The following PLCB4 variants were observed in gnomAD, a reference collection of about 807,000 sequenced individuals.
The protein encoded by PLCB4 is phospholipase C beta 4, also known as 1-phosphatidylinositol 4,5-bisphosphate phosphodiesterase beta-4.
A neutral mutation model predicts 178.8 loss-of-function variants in PLCB4; 77 were observed. That is an observed-to-expected ratio of 0.43 (90% confidence interval 0.36 to 0.52). The LOEUF is 0.52. Among genes scored for constraint, PLCB4 ranks in the 20% least tolerant of loss-of-function variants. The pLI, the probability that PLCB4 is intolerant of heterozygous loss-of-function variation, is 0.00. For synonymous variants in PLCB4, 496 were observed against 490.8 expected (o/e 1.01, Z -0.14); for missense variants, 1,024 against 1,453.4 (o/e 0.70, Z 4.80).
intron 4 of PLCB4, among the ~76,000 whole-genome samples, chr20:9,315,348 G>A (rs1349758068): frequency 3.3e-5 from 5 of 152,164 alleles, no homozygotes; most frequent in African/African-American, 1.2e-4. Context: ...AATCCATGGT[G>A]CGAACCACTG....
intron 13 of PLCB4, 77 bp downstream of exon 13, chr20:9,380,239 G>A (rs1018916529): frequency 1.1e-5 from 8 of 737,354 alleles, no homozygotes; most frequent in Non-Finnish European, 1.8e-5. Flanking sequence ...TTATTTAAAG[G>A]TATCTGTAAA....
chr20:9,144,650 G>C (rs2092557975), intron 2 of PLCB4, among the ~76,000 whole-genome samples: 1 of 139,606 alleles, frequency 7.2e-6, no homozygotes, highest in Non-Finnish European at 1.5e-5. Context: ...AAGAAAAGAA[G>C]AAGAAGAAAG....
chr20:9,212,814 C>T (rs2093686745), intron 2 of PLCB4, among the ~76,000 whole-genome samples: 1 of 152,146 alleles, frequency 6.6e-6, no homozygotes, highest in Non-Finnish European at 1.5e-5. Context: ...CTGGCAAACT[C>T]ACTATGTGTA....
intron 32 of PLCB4, among the ~76,000 whole-genome samples, chr20:9,451,040 C>A (rs539267041): frequency 6.6e-6 from 1 of 152,216 alleles, no homozygotes; most frequent in East Asian, 1.9e-4. Flanking sequence ...TGAGCTGGGA[C>A]CAGAATCTAA....
chr20:9,164,853 C>G (rs2092944121), intron 2 of PLCB4, among the ~76,000 whole-genome samples: 1 of 152,078 alleles, frequency 6.6e-6, no homozygotes, highest in South Asian at 2.1e-4. Context: ...GATGCTAGGA[C>G]TTGAGACTGA....
intron 2 of PLCB4, among the ~76,000 whole-genome samples, chr20:9,198,291 A>G (rs2093498392): frequency 6.6e-6 from 1 of 152,372 alleles, no homozygotes; most frequent in South Asian, 2.1e-4. Flanking sequence ...AAACAAATAC[A>G]GTAGAAGAAC....
chr20:9,390,646 C>T (rs753960690), intron 17 of PLCB4, 31 bp downstream of exon 17: 2 of 1,088,022 alleles, frequency 1.8e-6, no homozygotes, highest in East Asian at 4.7e-5. Context: ...ATATTTCTAG[C>T]ATGAATGGAT....
intron 2 of PLCB4, among the ~76,000 whole-genome samples, chr20:9,098,672 T>TATATATACATATGTACGTATATATGTAC (rs1555820457): frequency 5.0e-4 from 75 of 151,288 alleles, no homozygotes; most frequent in African/African-American, 1.0e-3. Context: ...CATATATATG[T>TATATATACATATGTACGTATATATGTAC]ATATATACAT....
chr20:9,469,112 C>G (rs2044004125), intron 36 of PLCB4, among the ~76,000 whole-genome samples: 1 of 152,028 alleles, frequency 6.6e-6, no homozygotes. Flanking sequence ...TCCCTAGTAG[C>G]TGGGATTACA....
chr20:9,329,470 T>A (rs1246472030), intron 4 of PLCB4, among the ~76,000 whole-genome samples: 1 of 152,182 alleles, frequency 6.6e-6, no homozygotes, highest in Non-Finnish European at 1.5e-5. Flanking sequence ...GGAAGCACTG[T>A]GTATGTTACC....
intron 13 of PLCB4, among the ~76,000 whole-genome samples, chr20:9,380,465 A>G (rs995293807): frequency 6.6e-6 from 1 of 152,170 alleles, no homozygotes. Flanking sequence ...AAAACAACCA[A>G]TACAGTCTCT....
At chr20:9,335,433 T>C (rs561215890) in intron 4 of PLCB4, among the ~76,000 whole-genome samples, 3 of 152,184 alleles carry the variant, frequency 2.0e-5, no homozygotes, top group Non-Finnish European at 4.4e-5. Flanking sequence ...TCATCTAAAG[T>C]ATCAACTTCT....
chr20:9,170,665 T>C (rs1443665147), intron 2 of PLCB4, among the ~76,000 whole-genome samples: 1 of 152,222 alleles, frequency 6.6e-6, no homozygotes, highest in African/African-American at 2.4e-5. Context: ...ATCCTTGTAA[T>C]AATGATAATT....
chr20:9,406,207 C>T (rs2039423676), intron 21 of PLCB4, among the ~76,000 whole-genome samples: 1 of 152,142 alleles, frequency 6.6e-6, no homozygotes, highest in Non-Finnish European at 1.5e-5. Context: ...CTCTAATCCT[C>T]ACTACACATC....
At chr20:9,360,493 A>G (rs1255066429) in intron 7 of PLCB4, among the ~76,000 whole-genome samples, 2 of 149,684 alleles carry the variant, frequency 1.3e-5, no homozygotes, top group African/African-American at 4.9e-5. Flanking sequence ...TTTTTTGTCT[A>G]GGAAACTATG....
intron 39 of PLCB4, among the ~76,000 whole-genome samples, chr20:9,478,210 G>A (rs747130194): frequency 6.6e-6 from 1 of 151,868 alleles, no homozygotes; most frequent in African/African-American, 2.4e-5. Flanking sequence ...TCCTCTTCTC[G>A]AATTAGCTGG....
chr20:9,478,840 T>A, intron 39 of PLCB4, 81 bp from the exon 40 acceptor site: 2 of 967,296 alleles, frequency 2.1e-6, no homozygotes, highest in Non-Finnish European at 3.4e-6. Flanking sequence ...ATCATATTTA[T>A]GGGAGAAGAG....
intron 2 of PLCB4, among the ~76,000 whole-genome samples, chr20:9,186,036 AGTTTT>A (rs2093324309): frequency 6.6e-6 from 1 of 152,150 alleles, no homozygotes; most frequent in African/African-American, 2.4e-5. Context: ...TAGTGGTGGC[AGTTTT>A]GTTTTATTTA....
chr20:9,399,016 A>C (rs2038825518), intron 19 of PLCB4, among the ~76,000 whole-genome samples: 1 of 152,230 alleles, frequency 6.6e-6, no homozygotes, highest in Non-Finnish European at 1.5e-5. Flanking sequence ...AAAAGGAGAA[A>C]GAATAGAACG....
Sources: allele counts gnomAD v4.1 joint callset (sites outside exome capture counted in the v4.1 genomes callset), GRCh38; gene constraint gnomAD v4.1.1; transcripts MANE v1.5; gene names NCBI Gene and HGNC (gene_info 2026-07-23, HGNC 2026-07-21).